Variants in NUP153 observed in about 807,000 individuals in gnomAD.
NUP153 encodes nuclear pore complex protein Nup153.
In NUP153, 27 loss-of-function variants were observed where a neutral mutation model predicts 134.6. The ratio of observed to expected loss-of-function variants is 0.20; its 90% CI spans 0.15 to 0.28. NUP153 has a LOEUF of 0.28. NUP153 is among the 10% of genes least tolerant of loss of function. The pLI, the probability that NUP153 is intolerant of heterozygous loss-of-function variation, is 1.00. For missense variants in NUP153, 1,821 were observed against 1,731.3 expected (o/e 1.05, Z -0.92); for synonymous variants, 640 against 623.5 (o/e 1.03, Z -0.40).
intron 1 of NUP153, among the ~76,000 whole-genome samples, chr6:17,701,834 G>C (rs1226534663): frequency 9.6e-6 from 1 of 103,736 alleles, no homozygotes; most frequent in Non-Finnish European, 2.1e-5. Context: ...CTCTGTCTCG[G>C]GGGGGGGGGG....
At position 17,678,352 on chromosome 6, in the gene NUP153, C is replaced by CAAAAAAAAAAAAA. The variant is rs11428582; in HGVS notation, c.335-2595_335-2583dup. On this transcript the variant is annotated intron_variant, in intron 2 of 21. Coordinates refer to ENST00000262077, the MANE Select transcript of NUP153 (RefSeq NM_005124.4). ...GCCTGGTTGACAGAACCCTCTGTCT[C>CAAAAAAAAAAAAA]AAAAAAAAAAAAAAAAAAAAAAAGA... is the stretch of plus-strand genomic sequence containing the variant. Among the ~76,000 whole-genome samples the CAAAAAAAAAAAAA allele has an allele frequency of 3.0e-3, 208 of 68,200 alleles. 11 individuals carry two copies. Among genetic ancestry groups the CAAAAAAAAAAAAA allele is most frequent in the Middle Eastern group, 8.9e-3 (1 of 112 alleles). 44.7% of individuals were successfully genotyped at this position (68,200 alleles called of 152,430 possible). A position where few individuals can be genotyped will look rare whatever the true frequency, so the allele number is the denominator to read the frequency against.
At chr6:17,655,929 G>A (rs1464471594) in intron 11 of NUP153, among the ~76,000 whole-genome samples, 1 of 152,164 alleles carries the variant, frequency 6.6e-6, no homozygotes, top group East Asian at 1.9e-4. Flanking sequence ...GTAGGGCTGG[G>A]CGCAGTGGTT....
chr6:17,635,270 C>T (rs897500463), intron 16 of NUP153, among the ~76,000 whole-genome samples: 31 of 151,966 alleles, frequency 2.0e-4, no homozygotes, highest in African/African-American at 7.3e-4. Flanking sequence ...CCACCACACC[C>T]GGCTAATTTT....
In NUP153 at chr6:17,615,084, T is replaced by G. The variant is rs1389614398; in HGVS notation, c.*1013A>C. On this transcript the variant is annotated 3_prime_UTR_variant, in exon 22 of 22. Coordinates refer to ENST00000262077, the MANE Select transcript of NUP153 (RefSeq NM_005124.4). This position sits in a 1 kb window ranked among gnomAD's most constrained non-coding sequence, Gnocchi z 5.7. ...GGCATTTATCCCATGGTTTAACATG[T>G]TAATTATACTGTAATAAACATGGCT... is the stretch of plus-strand genomic sequence containing the variant. The G allele has an allele frequency of 1.3e-5, 2 of 152,664 alleles. No individual in the cohort carries two copies. The highest frequency in any genetic ancestry group is 4.8e-5 in the African/African-American group (2 of 41,464). The allele number at this position is 152,664 out of a possible 1,614,324, so 9.5% of individuals were successfully genotyped here.
At chr6:17,697,924 T>C (rs940434192) in intron 1 of NUP153, among the ~76,000 whole-genome samples, 1 of 152,210 alleles carries the variant, frequency 6.6e-6, no homozygotes, top group Non-Finnish European at 1.5e-5. Context: ...GGCCAACTCC[T>C]TGTCATTCCT....
chr6:17,667,152 T>C (rs1451378306), intron 8 of NUP153, among the ~76,000 whole-genome samples: 1 of 152,172 alleles, frequency 6.6e-6, no homozygotes, highest in Non-Finnish European at 1.5e-5. Context: ...CTGATATAAA[T>C]GAGGGGTTGA....
At chr6:17,634,898 GA>G (rs1765448907) in intron 16 of NUP153, among the ~76,000 whole-genome samples, 1 of 151,590 alleles carries the variant, frequency 6.6e-6, no homozygotes, top group Admixed American at 6.6e-5. Flanking sequence ...GTCCACACTG[GA>G]CAAAAAGAAT....
intron 5 of NUP153, among the ~76,000 whole-genome samples, chr6:17,670,532 T>A (rs1237506230): frequency 6.6e-6 from 1 of 152,220 alleles, no homozygotes; most frequent in Non-Finnish European, 1.5e-5. Context: ...ATGCATTGAT[T>A]TCTGTGCCTA....
In NUP153 at chr6:17,629,498, A is replaced by T. The variant is rs1395659678; in HGVS notation, c.2701T>A (p.Ser901Thr). ...GATGAGACACCAAATTTGAAGGATGAGGAGGCTGCTGAGTTCGAAGATGAG... is the reference window on the plus strand; with the variant it reads ...GATGAGACACCAAATTTGAAGGATGTGGAGGCTGCTGAGTTCGAAGATGAG... The part of the protein sequence containing the change: ...SSSSSNSAAS[S>T]SFKFGVSSSS... The change falls in exon 18 of 22, where the codon TCA becomes ACA. Residue 901 changes from serine (S) to threonine (T), a missense_variant. Transcript: ENST00000262077. 1 of 1,606,096 alleles carries T rather than the reference A, an allele frequency of 6.2e-7. No individual in the cohort carries two copies. The highest frequency in any genetic ancestry group is 1.3e-5 in the African/African-American group (1 of 74,478).
chr6:17,691,121 A>T (rs1769250256), intron 1 of NUP153, among the ~76,000 whole-genome samples: 1 of 151,920 alleles, frequency 6.6e-6, no homozygotes. Flanking sequence ...CAGCCTGGGC[A>T]ACAGAGCAAA....
In NUP153 at chr6:17,618,527, T is replaced by C. The variant is rs62395967; in HGVS notation, c.4175-1832A>G. On this transcript the variant is annotated intron_variant, in intron 20 of 21. Coordinates refer to ENST00000262077, the MANE Select transcript of NUP153 (RefSeq NM_005124.4). ...CATCCAGAAAATAAAAAAGAATACT[T>C]AGAAATTAAAGAAATAGTGGAAGTT... Among the ~76,000 whole-genome samples, 352 of 151,186 alleles carry C rather than the reference T, an allele frequency of 2.3e-3. 1 individual carries two copies. The highest frequency in any genetic ancestry group is 6.8e-3 in the Middle Eastern group (2 of 292).
At chr6:17,617,494 A>G (rs1158603981) in intron 20 of NUP153, among the ~76,000 whole-genome samples, 1 of 148,888 alleles carries the variant, frequency 6.7e-6, no homozygotes, top group African/African-American at 2.5e-5. Flanking sequence ...AAAGGATGGC[A>G]GAGTATGTTT....
intron 1 of NUP153, among the ~76,000 whole-genome samples, chr6:17,705,163 G>A (rs981839725): frequency 1.3e-5 from 2 of 152,220 alleles, no homozygotes; most frequent in Admixed American, 1.3e-4. Flanking sequence ...AATCTAGGAA[G>A]TCTACCTTTA....
At chr6:17,679,340 A>G (rs537774811) in intron 2 of NUP153, among the ~76,000 whole-genome samples, 34 of 152,348 alleles carry the variant, frequency 2.2e-4, no homozygotes, top group Non-Finnish European at 4.4e-4. Context: ...AGATGTGCAC[A>G]TGGAAACTAC....
rs7745148 is a variant in NUP153, at chr6:17,680,073, T to C, written c.335-4303A>G. Among the ~76,000 whole-genome samples the C allele has an allele frequency of 6.6e-6, 1 of 152,132 alleles. No individual in the cohort carries two copies. Among genetic ancestry groups the C allele is most frequent in the Non-Finnish European group, 1.5e-5 (1 of 68,014 alleles). On this transcript the variant is annotated intron_variant, in intron 2 of 21. Transcript: ENST00000262077. This position sits in a 1 kb window ranked among gnomAD's most constrained non-coding sequence, Gnocchi z 4.5. ...CCTGCGCTTTGCCTAATAAAAAAAATTCCTACTGGCTTTTTCCGGGAAGCC... is the reference window on the plus strand; with the variant it reads ...CCTGCGCTTTGCCTAATAAAAAAAACTCCTACTGGCTTTTTCCGGGAAGCC...
At chr6:17,697,721 G>A (rs1769752887) in intron 1 of NUP153, among the ~76,000 whole-genome samples, 1 of 152,054 alleles carries the variant, frequency 6.6e-6, no homozygotes, top group Non-Finnish European at 1.5e-5. Context: ...AGCTGGGGTG[G>A]GGGCAGGCTA....
intron 11 of NUP153, among the ~76,000 whole-genome samples, chr6:17,658,677 A>G (rs1581716702): frequency 1.3e-5 from 2 of 152,324 alleles, no homozygotes; most frequent in Non-Finnish European, 2.9e-5. Flanking sequence ...AAAAAGCTCA[A>G]TAAGTGGGTG....
chr6:17,628,960 C>A lies in NUP153; in HGVS notation c.3239G>T (p.Gly1080Val), dbSNP rs1765088511. 2.5e-6 allele frequency: 4 copies of A among 1,613,992 alleles called. No homozygotes were observed. In the Admixed American group the frequency reaches 5.0e-5, roughly 20 times the overall value. Residue 1080 changes from glycine (G) to valine (V), a missense_variant, in exon 18 of 22, where the codon GGA becomes GTA. Transcript: ENST00000262077. This position sits in a 1 kb window ranked among gnomAD's most constrained non-coding sequence, Gnocchi z 5.4. Reference sequence around the variant, plus strand: ...CTCCACGTTGCCAAAAGAGAATCCTCCTTTGGTGGCAGGCATTTCTTCTTT... The same window carrying A: ...CTCCACGTTGCCAAAAGAGAATCCTACTTTGGTGGCAGGCATTTCTTCTTT... ...AKKEEMPATK[G>V]GFSFGNVEPA...
intron 1 of NUP153, among the ~76,000 whole-genome samples, chr6:17,702,344 A>G (rs1770168839): frequency 6.6e-6 from 1 of 152,134 alleles, no homozygotes; most frequent in African/African-American, 2.4e-5. Context: ...CGTCTCTGCT[A>G]AAAATACAAA....
Sources: gnomAD v4.1 joint callset for allele counts (sites outside exome capture counted in the v4.1 genomes callset) on GRCh38, gnomAD v4.1.1 for gene constraint, Gnocchi (gnomAD v3.1) non-coding constraint, MANE v1.5 for transcripts, NCBI Gene and HGNC (gene_info 2026-07-23, HGNC 2026-07-21) for gene names.